SLC38A8: variants seen among roughly 807,000 people sequenced by gnomAD.
SLC38A8 encodes the protein amino acid transporter SLC38A8.
Under a neutral mutation model 46.0 loss-of-function variants are expected in SLC38A8, and 65 were observed. That is an observed-to-expected ratio of 1.41 (90% CI 1.16 to 1.74). The LOEUF is 1.74. Among genes scored for constraint, SLC38A8 ranks in the 40% most tolerant of loss-of-function variants. The pLI, the probability that SLC38A8 is intolerant of heterozygous loss-of-function variation, is 0.00. For missense variants in SLC38A8, 998 were observed against 567.9 expected (o/e 1.76, Z -7.70); for synonymous variants, 447 against 243.7 (o/e 1.83, Z -7.77).
intron 6 of SLC38A8, among the ~76,000 whole-genome samples, chr16:84,028,271 G>A (rs1021503319): frequency 6.6e-6 from 1 of 152,002 alleles, no homozygotes; most frequent in Non-Finnish European, 1.5e-5. Flanking sequence ...AGGACATCGA[G>A]GCAAATCTTC....
At chr16:84,037,765 A>AG (rs2151128990) in intron 2 of SLC38A8, among the ~76,000 whole-genome samples, 1 of 119,598 alleles carries the variant, frequency 8.4e-6, no homozygotes, top group African/African-American at 3.4e-5. Context: ...CCTCCGAAAA[A>AG]AAAAAAAGAG....
intron 4 of SLC38A8, among the ~76,000 whole-genome samples, chr16:84,032,753 C>T (rs193039644): frequency 6.6e-6 from 1 of 152,212 alleles, no homozygotes; most frequent in Non-Finnish European, 1.5e-5. Context: ...AGGGAAAAGG[C>T]AGGCAGCAGA....
rs1243367715 is a variant in SLC38A8 at position 84,036,812 on chromosome 16, C to G, written c.278G>C (p.Arg93Thr). The G allele has an allele frequency of 1.9e-6, 3 of 1,614,106 alleles. No homozygotes were observed. The Admixed American group carries it at 5.0e-5, about 27-fold the overall frequency. ...SGQATYQGVV[R>T]GLCGPAIGKL... ...CCCAATGGCAGGGCCACACAGCCCCCTGACCACACCCTGGTAGGTGGCCTG... is the reference window on the plus strand; with the variant it reads ...CCCAATGGCAGGGCCACACAGCCCCGTGACCACACCCTGGTAGGTGGCCTG... Residue 93 changes from arginine to threonine, a missense_variant, in exon 3 of 11, where the codon AGG (arginine) becomes ACG (threonine). Arg to Thr is a moderately conservative substitution (Grantham distance 71, BLOSUM62 -1). Transcript: ENST00000299709.
At position 84,016,601 on chromosome 16, in the gene SLC38A8, G is replaced by A. The variant is rs745409652; in HGVS notation, c.1080C>T (p.Ala360=). Residue 360 remains alanine, a synonymous_variant, in exon 9 of 11, where the codon GCC becomes GCT. Coordinates refer to ENST00000299709, the MANE Select transcript of SLC38A8 (RefSeq NM_001080442.3). ...TGAGGTCAGGCATAAACAGCGCCAT[G>A]GCGAGCGTCACGGTGACCCACAGGA... is the stretch of plus-strand genomic sequence containing the variant. ...LTILWVTVTL[A]MALFMPDLSE... 4 of 1,613,890 alleles carry A rather than the reference G, an allele frequency of 2.5e-6. No individual in the cohort carries two copies. The highest frequency in any genetic ancestry group is 2.2e-5 in the South Asian group (2 of 91,090).
At chr16:84,025,833 T>C (rs762638914) in intron 6 of SLC38A8, among the ~76,000 whole-genome samples, 8 of 152,224 alleles carry the variant, frequency 5.3e-5, no homozygotes, top group Admixed American at 1.3e-4. Flanking sequence ...CGCTGGCGCG[T>C]TGACCTCAGG....
At chr16:84,012,880 T>TC in intron 10 of SLC38A8, 121 bp downstream of exon 10, 1 of 1,092,954 alleles carries the variant, frequency 9.1e-7, no homozygotes. Flanking sequence ...TTCCTGTGGC[T>TC]CGCAGGTTTC....
intron 4 of SLC38A8, among the ~76,000 whole-genome samples, chr16:84,032,694 G>A (rs573476854): frequency 2.0e-4 from 31 of 152,332 alleles, no homozygotes; most frequent in Admixed American, 6.5e-4. Flanking sequence ...AGGGAGGCTC[G>A]GGTTTGCTGC....
intron 2 of SLC38A8, 106 bp from the exon 3 acceptor site, chr16:84,037,006 G>C: frequency 8.5e-7 from 1 of 1,169,896 alleles, no homozygotes; most frequent in Non-Finnish European, 1.2e-6. Context: ...CATCCACAGA[G>C]GCCAGGGCTG....
chr16:84,011,281 G>C (rs2084950139), intron 10 of SLC38A8, among the ~76,000 whole-genome samples: 1 of 152,198 alleles, frequency 6.6e-6, no homozygotes, highest in South Asian at 2.1e-4. Context: ...ACTGTTGTGA[G>C]CTCAGATCAA....
At chr16:84,016,207 C>T (rs9927178) in intron 9 of SLC38A8, among the ~76,000 whole-genome samples, 1,583 of 152,318 alleles carry the variant, frequency 0.01, 37 homozygotes, top group African/African-American at 0.036. Context: ...TGGGTGGAAC[C>T]ATCCCCATGA....
At chr16:84,028,928 T>C (rs888331297) in intron 6 of SLC38A8, among the ~76,000 whole-genome samples, 1 of 152,076 alleles carries the variant, frequency 6.6e-6, no homozygotes, top group Non-Finnish European at 1.5e-5. Flanking sequence ...TCTGCCAGGA[T>C]TCTACACATA....
At chr16:84,035,927 T>C (rs1050057694) in intron 3 of SLC38A8, among the ~76,000 whole-genome samples, 1 of 152,226 alleles carries the variant, frequency 6.6e-6, no homozygotes, top group African/African-American at 2.4e-5. Context: ...AACACAGCTG[T>C]TGACTGCCTT....
chr16:84,017,275 A>T lies in SLC38A8; in HGVS notation c.818T>A (p.Phe273Tyr), dbSNP rs1314073197. 1 of 1,614,098 alleles carries T rather than the reference A, an allele frequency of 6.2e-7. No individual in the cohort carries two copies. ...LIYSLTGVYGFLTFGTEVSAD... is the reference protein window; with the variant it reads ...LIYSLTGVYGYLTFGTEVSAD... ...AGAAACTTCTGTCCCAAAAGTCAGG[A>T]AGCCATAAACCCCTGAAGGTGGGAA... is the stretch of plus-strand genomic sequence containing the variant. The change falls in exon 8 of 11, where the codon TTC (phenylalanine) becomes TAC (tyrosine). Residue 273 changes from phenylalanine (F) to tyrosine (Y), a missense_variant. Coordinates refer to ENST00000299709, the MANE Select transcript of SLC38A8 (RefSeq NM_001080442.3).
intron 3 of SLC38A8, among the ~76,000 whole-genome samples, chr16:84,034,504 T>G (rs1039348032): frequency 2.0e-5 from 3 of 151,952 alleles, no homozygotes; most frequent in Admixed American, 1.3e-4. Context: ...CCTGGGTGGG[T>G]GAGGTGGCCC....
chr16:84,030,843 G>A (rs1220139445), intron 5 of SLC38A8, among the ~76,000 whole-genome samples: 1 of 151,508 alleles, frequency 6.6e-6, no homozygotes, highest in Non-Finnish European at 1.5e-5. Flanking sequence ...GTGACTGTAG[G>A]GGTCGCACAC....
At chr16:84,026,534 G>C (rs1597264847) in intron 6 of SLC38A8, among the ~76,000 whole-genome samples, 1 of 152,198 alleles carries the variant, frequency 6.6e-6, no homozygotes, top group East Asian at 1.9e-4. Context: ...GCCTCTACTG[G>C]TTTTATAAGG....
chr16:84,025,098 C>G (rs1220076888), intron 6 of SLC38A8, among the ~76,000 whole-genome samples: 1 of 152,166 alleles, frequency 6.6e-6, no homozygotes, highest in African/African-American at 2.4e-5. Context: ...CAAGAGAATA[C>G]TGATGTACAG....
rs576399548 is a variant in SLC38A8 at position 84,022,633 on chromosome 16, C to T, written c.805+142G>A. 6.2e-6 allele frequency: 4 copies of T among 647,996 alleles called. No individual in the cohort carries two copies. In the African/African-American group the frequency reaches 7.6e-5, roughly 12 times the overall value. The allele number at this position is 647,996 out of a possible 1,614,324, so 40.1% of individuals were successfully genotyped here. On this transcript the variant is annotated intron_variant, in intron 7 of 10. Coordinates refer to ENST00000299709, the MANE Select transcript of SLC38A8 (RefSeq NM_001080442.3). ...CTATGAAATGAGGCCTTTTCCTATG[C>T]ACACTAAGGATTAAATAAGATGCTC...
rs529158358 is a variant in SLC38A8 at position 84,016,126 on chromosome 16, G to A, written c.1162+393C>T. On this transcript the variant is annotated intron_variant, in intron 9 of 10. Transcript: ENST00000299709. ...GGCAGGCAAGAGAGCTTGTGCTGGG[G>A]GGCGGGGGGGGACCCCCACTTATAA... 6.0e-4 allele frequency among the ~76,000 whole-genome samples: 90 copies of A among 151,048 alleles called. 2 individuals are homozygous for A. The highest frequency in any genetic ancestry group is 1.8e-3 in the African/African-American group (72 of 40,432).
Sources: allele counts gnomAD v4.1 joint callset (sites outside exome capture counted in the v4.1 genomes callset), GRCh38; gene constraint gnomAD v4.1.1; transcripts MANE v1.5; gene names NCBI Gene and HGNC (gene_info 2026-07-23, HGNC 2026-07-21).